The following UMAD1 variants were observed in gnomAD, a reference collection of about 807,000 sequenced individuals.
UMAD1 encodes the protein UBAP1-MVB12-associated (UMA)-domain containing protein 1.
A neutral mutation model predicts 6.1 loss-of-function variants in UMAD1; 8 were observed. The ratio of observed to expected loss-of-function variants is 1.30; its 90% confidence interval spans 0.76 to 2.35. UMAD1 has a LOEUF of 2.35. Among genes scored for constraint, UMAD1 ranks in the 30% most tolerant of loss-of-function variants. The pLI is 0.00. For missense variants in UMAD1, 130 were observed against 78.4 expected (o/e 1.66, Z -2.49); for synonymous variants, 56 against 31.4 (o/e 1.78, Z -2.61).
chr7:7,661,984 C>G (rs1042828893), intron 1 of UMAD1, among the ~76,000 whole-genome samples: 3 of 152,192 alleles, frequency 2.0e-5, no homozygotes, highest in Non-Finnish European at 4.4e-5. Context: ...GGGCTGCTGC[C>G]TTTCTTTCAG....
intron 1 of UMAD1, among the ~76,000 whole-genome samples, chr7:7,656,806 T>A (rs562054044): frequency 1.5e-4 from 23 of 152,348 alleles, no homozygotes; most frequent in African/African-American, 5.3e-4. Flanking sequence ...GTAGAATGAT[T>A]TATAATCCTT....
At chr7:7,744,288 C>T (rs12702642) in intron 2 of UMAD1, among the ~76,000 whole-genome samples, 78,819 of 151,966 alleles carry the variant, frequency 0.52, 21,151 homozygotes, top group African/African-American at 0.63. Flanking sequence ...TCCCATTGTA[C>T]GGCTATCCCA....
At chr7:7,869,111 A>G (rs948042393) in intron 3 of UMAD1, among the ~76,000 whole-genome samples, 1 of 152,210 alleles carries the variant, frequency 6.6e-6, no homozygotes, top group Non-Finnish European at 1.5e-5. Flanking sequence ...TTTATTAGTG[A>G]CCAGCTTCTT....
At chr7:7,648,061 T>A (rs1017641589) in intron 1 of UMAD1, among the ~76,000 whole-genome samples, 4 of 152,240 alleles carry the variant, frequency 2.6e-5, no homozygotes, top group Non-Finnish European at 4.4e-5. Flanking sequence ...ATTTCTTTTG[T>A]AGCTTAGCTG....
chr7:7,804,228 A>G (rs1050189729), intron 3 of UMAD1, among the ~76,000 whole-genome samples: 1 of 152,262 alleles, frequency 6.6e-6, no homozygotes, highest in Admixed American at 6.5e-5. Flanking sequence ...GTGGGAGACT[A>G]TAAATGAGAC....
chr7:7,777,535 G>C (rs1396039074), intron 2 of UMAD1, among the ~76,000 whole-genome samples: 1 of 133,872 alleles, frequency 7.5e-6, no homozygotes, highest in African/African-American at 2.9e-5. Context: ...AAAAACTACA[G>C]TTAATATTCT....
At chr7:7,826,194 G>A (rs1300202923) in intron 3 of UMAD1, among the ~76,000 whole-genome samples, 1 of 151,992 alleles carries the variant, frequency 6.6e-6, no homozygotes, top group Non-Finnish European at 1.5e-5. Flanking sequence ...CTGAACTGGT[G>A]GCCTTAACAA....
chr7:7,865,799 T>C (rs1156718944), intron 3 of UMAD1, among the ~76,000 whole-genome samples: 2 of 152,158 alleles, frequency 1.3e-5, no homozygotes, highest in African/African-American at 4.8e-5. Context: ...GTAAGGCAGG[T>C]TGGTTAAGGG....
At chr7:7,785,059 T>C (rs1782435552) in intron 2 of UMAD1, among the ~76,000 whole-genome samples, 1 of 152,220 alleles carries the variant, frequency 6.6e-6, no homozygotes, top group Non-Finnish European at 1.5e-5. Flanking sequence ...TCCTGTATGG[T>C]CATTTCCAAG....
At chr7:7,714,587 T>C (rs1489552801) in intron 2 of UMAD1, among the ~76,000 whole-genome samples, 1 of 152,198 alleles carries the variant, frequency 6.6e-6, no homozygotes, top group Non-Finnish European at 1.5e-5. Context: ...GGTAGATTGA[T>C]TTGTAAATAT....
intron 3 of UMAD1, among the ~76,000 whole-genome samples, chr7:7,826,518 T>C (rs1783344850): frequency 6.6e-6 from 1 of 152,192 alleles, no homozygotes; most frequent in Admixed American, 6.5e-5. Flanking sequence ...CACCATTTGT[T>C]ATTTCTTTCG....
intron 1 of UMAD1, among the ~76,000 whole-genome samples, chr7:7,668,563 G>A (rs574816311): frequency 4.6e-5 from 7 of 152,052 alleles, no homozygotes. Context: ...TAGCATCATG[G>A]ATGGGTTCTT....
rs1250261083 is a variant in UMAD1 at position 7,693,295 on chromosome 7, T to TTATCTATCTATCTATCTATC, written c.82+19865_82+19884dup. Among the ~76,000 whole-genome samples the TTATCTATCTATCTATCTATC allele has an allele frequency of 4.8e-3, 720 of 148,994 alleles. 3 individuals carry two copies. Among genetic ancestry groups the TTATCTATCTATCTATCTATC allele is most frequent in the South Asian group, 6.7e-3 (31 of 4,608 alleles). ...ATGAATAGTTACTCTTAAAATATCT[T>TTATCTATCTATCTATCTATC]TATCTATCTATCTATCTATCTATCT... On this transcript the variant is annotated intron_variant, in intron 2 of 3. Transcript: ENST00000682710.
intron 1 of UMAD1, among the ~76,000 whole-genome samples, chr7:7,653,779 T>C (rs1476674342): frequency 6.6e-6 from 1 of 152,208 alleles, no homozygotes; most frequent in Non-Finnish European, 1.5e-5. Context: ...AGGGGCGGTT[T>C]TGTCCCCTAG....
At chr7:7,793,639 C>T (rs1444955540) in intron 2 of UMAD1, among the ~76,000 whole-genome samples, 3 of 152,078 alleles carry the variant, frequency 2.0e-5, no homozygotes, top group Admixed American at 6.5e-5. Flanking sequence ...TAGCAGAATG[C>T]AGTCACATAC....
intron 2 of UMAD1, among the ~76,000 whole-genome samples, chr7:7,725,255 C>G (rs1447712397): frequency 6.6e-6 from 1 of 152,168 alleles, no homozygotes; most frequent in Non-Finnish European, 1.5e-5. Flanking sequence ...TTACACCAGC[C>G]CATTTATCGA....
At chr7:7,843,907 G>A (rs1248285498) in intron 3 of UMAD1, among the ~76,000 whole-genome samples, 2 of 152,036 alleles carry the variant, frequency 1.3e-5, no homozygotes, top group Admixed American at 1.3e-4. Context: ...CCACACCCTG[G>A]CCCCTGCACC....
chr7:7,685,253 C>T (rs1321183054), intron 2 of UMAD1, among the ~76,000 whole-genome samples: 1 of 151,228 alleles, frequency 6.6e-6, no homozygotes, highest in Non-Finnish European at 1.5e-5. Flanking sequence ...TTTTTTTATT[C>T]ATTGCATGCA....
intron 2 of UMAD1, among the ~76,000 whole-genome samples, chr7:7,743,832 T>A (rs922420879): frequency 3.9e-5 from 6 of 152,146 alleles, no homozygotes; most frequent in Non-Finnish European, 7.4e-5. Context: ...GTTAATTATA[T>A]TTATGATGTT....
Sources: allele counts gnomAD v4.1 joint callset (sites outside exome capture counted in the v4.1 genomes callset), GRCh38; gene constraint gnomAD v4.1.1; transcripts MANE v1.5; gene names NCBI Gene and HGNC (gene_info 2026-07-23, HGNC 2026-07-21).